Variants in NRXN3 observed in about 807,000 individuals in gnomAD.
NRXN3 encodes the protein neurexin III.
In NRXN3, 32 loss-of-function variants were observed where a neutral mutation model predicts 137.6. The ratio of observed to expected loss-of-function variants is 0.23; its 90% CI spans 0.18 to 0.31. The LOEUF is 0.31. Among genes scored for constraint, NRXN3 ranks in the 10% least tolerant of loss-of-function variants. NRXN3 has a pLI of 1.00. For synonymous variants in NRXN3, 798 were observed against 784.5 expected (o/e 1.02, Z -0.29); for missense variants, 1,574 against 2,062.5 (o/e 0.76, Z 4.59).
At chr14:79,298,000 A>G (rs948473981) in intron 15 of NRXN3, among the ~76,000 whole-genome samples, 1 of 152,096 alleles carries the variant, frequency 6.6e-6, no homozygotes, top group Non-Finnish European at 1.5e-5. Context: ...AAATTCAATT[A>G]CATTTCCCAG....
intron 2 of NRXN3, among the ~76,000 whole-genome samples, chr14:78,250,982 G>A (rs1278387791): frequency 1.3e-5 from 2 of 151,988 alleles, no homozygotes; most frequent in African/African-American, 4.8e-5. Context: ...GGGAGAATAG[G>A]AAAGAAAATG....
chr14:78,930,148 G>T (rs2099317585), intron 10 of NRXN3, among the ~76,000 whole-genome samples: 1 of 152,066 alleles, frequency 6.6e-6, no homozygotes. Flanking sequence ...TTCCCTGCTG[G>T]CCTGTAAGTA....
At chr14:79,067,682 A>G (rs1011480186) in intron 15 of NRXN3, among the ~76,000 whole-genome samples, 1 of 151,794 alleles carries the variant, frequency 6.6e-6, no homozygotes. Context: ...CCTGGTTCAA[A>G]TTTACCTTTC....
At chr14:79,279,563 C>G (rs1168395886) in intron 15 of NRXN3, 2 of 986,208 alleles carry the variant, frequency 2.0e-6, no homozygotes, top group African/African-American at 3.5e-5. Context: ...TCCTCCTCTC[C>G]TCTTTCCCTC....
At chr14:78,209,012 T>C (rs982574448) in intron 1 of NRXN3, among the ~76,000 whole-genome samples, 6 of 152,134 alleles carry the variant, frequency 3.9e-5, no homozygotes, top group African/African-American at 1.4e-4. Context: ...TCATCCCACT[T>C]GAGATAAAAT....
rs114489415 is a variant in NRXN3, at chr14:79,159,849, T to A, written c.3262+171708T>A. Among the ~76,000 whole-genome samples the A allele has an allele frequency of 4.2e-3, 633 of 152,060 alleles. 7 individuals are homozygous for A. The highest frequency in any genetic ancestry group is 0.015 in the African/African-American group (604 of 41,546). On this transcript the variant is annotated intron_variant, in intron 15 of 20. Transcript: ENST00000335750. ...ATGTTATAACAAGTTAGTACAAGTT[T>A]ATTTTGCTACAAAGCCAAATAGAAA...
chr14:78,322,683 C>T (rs192268161), intron 4 of NRXN3, among the ~76,000 whole-genome samples: 2 of 152,120 alleles, frequency 1.3e-5, no homozygotes, highest in Admixed American at 6.5e-5. Flanking sequence ...CAGCTCCCAT[C>T]CCACTTGCTG....
intron 15 of NRXN3, among the ~76,000 whole-genome samples, chr14:79,010,918 T>C (rs2099569830): frequency 6.6e-6 from 1 of 152,164 alleles, no homozygotes; most frequent in African/African-American, 2.4e-5. Flanking sequence ...TCTTTCCTTA[T>C]GCTGTGGCAC....
chr14:78,456,204 G>T (rs183430586), intron 4 of NRXN3, among the ~76,000 whole-genome samples: 1 of 152,112 alleles, frequency 6.6e-6, no homozygotes, highest in South Asian at 2.1e-4. Flanking sequence ...GTTTTTACTT[G>T]TGAAACCATA....
At position 79,861,279 on chromosome 14, in the gene NRXN3, T is replaced by G; in HGVS notation, c.4094-63T>G. On this transcript the variant is annotated intron_variant, in intron 20 of 20. Coordinates refer to ENST00000335750, the MANE Select transcript of NRXN3 (RefSeq NM_001330195.2). This position sits in a 1 kb window ranked among gnomAD's most constrained non-coding sequence, Gnocchi z 5.4. ...TCTGGGTATGGCTCAGGGGAAACCTTTGACTCTAACCTGCCCCCTACTGAT... is the reference window on the plus strand; with the variant it reads ...TCTGGGTATGGCTCAGGGGAAACCTGTGACTCTAACCTGCCCCCTACTGAT... 6.5e-7 allele frequency: 1 copy of G among 1,536,104 alleles called. No homozygotes were observed. The highest frequency in any genetic ancestry group is 8.7e-7 in the Non-Finnish European group (1 of 1,146,918).
chr14:79,779,741 G>A (rs2099108118), intron 19 of NRXN3, among the ~76,000 whole-genome samples: 1 of 152,174 alleles, frequency 6.6e-6, no homozygotes, highest in African/African-American at 2.4e-5. Context: ...CATTCTTGCA[G>A]TTTTCTGTCT....
intron 4 of NRXN3, among the ~76,000 whole-genome samples, chr14:78,531,088 T>C (rs984940218): frequency 1.3e-5 from 2 of 152,188 alleles, no homozygotes; most frequent in African/African-American, 4.8e-5. Context: ...TCATAGTCTG[T>C]CTCTTTCTTT....
chr14:78,977,758 C>T (rs1396977286), intron 14 of NRXN3, among the ~76,000 whole-genome samples: 1 of 152,148 alleles, frequency 6.6e-6, no homozygotes, highest in East Asian at 1.9e-4. Flanking sequence ...CCATCAAGAG[C>T]AGTGCTGTGC....
At chr14:79,407,589 A>G (rs1421664195) in intron 15 of NRXN3, among the ~76,000 whole-genome samples, 2 of 152,160 alleles carry the variant, frequency 1.3e-5, no homozygotes, top group Non-Finnish European at 2.9e-5. Flanking sequence ...TTAAATGGGG[A>G]TGTGCTATCA....
In NRXN3 at chr14:78,264,063, C is replaced by T. The variant is rs527244397; in HGVS notation, c.710-14582C>T. Among the ~76,000 whole-genome samples the T allele has an allele frequency of 1.1e-4, 17 of 152,194 alleles. No individual in the cohort carries two copies. In the South Asian group the frequency reaches 1.9e-3, roughly 17 times the overall value. On this transcript the variant is annotated intron_variant, in intron 2 of 20. Coordinates refer to ENST00000335750, the MANE Select transcript of NRXN3 (RefSeq NM_001330195.2). ...CCAAAACATATTCATGAAGTCAAAA[C>T]GTCAGGACCAAAATAGCCTGTGTTG...
At chr14:78,417,186 A>G (rs1394060877) in intron 4 of NRXN3, among the ~76,000 whole-genome samples, 3 of 152,190 alleles carry the variant, frequency 2.0e-5, no homozygotes, top group African/African-American at 7.2e-5. Flanking sequence ...TTAGCTTACA[A>G]GGCTCTCCAT....
intron 16 of NRXN3, among the ~76,000 whole-genome samples, chr14:79,483,141 C>G (rs748299445): frequency 5.8e-4 from 88 of 152,140 alleles, no homozygotes; most frequent in Non-Finnish European, 1.1e-3. Context: ...TAAGCTAGGT[C>G]TTTGCAGAGA....
intron 16 of NRXN3, among the ~76,000 whole-genome samples, chr14:79,531,153 T>G (rs1298084447): frequency 1.3e-5 from 2 of 152,194 alleles, no homozygotes; most frequent in Non-Finnish European, 2.9e-5. Flanking sequence ...CAATCCTCTT[T>G]GAAGTAGGAA....
At position 79,732,621 on chromosome 14, in the gene NRXN3, G is replaced by C. The variant is rs571081833; in HGVS notation, c.4014+34684G>C. Among the ~76,000 whole-genome samples, 79 of 152,292 alleles carry C rather than the reference G, an allele frequency of 5.2e-4. No individual in the cohort carries two copies. The Middle Eastern group carries it at 0.014, about 26-fold the overall frequency. On this transcript the variant is annotated intron_variant, in intron 19 of 20. Transcript: ENST00000335750. The stretch of plus-strand genomic sequence containing the variant: ...GCCTAGATTAAAAACTGGGTCTTTT[G>C]TGAGGTTTCATTCATTATGGCCCCA...
Sources: gnomAD v4.1 joint callset for allele counts (sites outside exome capture counted in the v4.1 genomes callset) on GRCh38, gnomAD v4.1.1 for gene constraint, Gnocchi (gnomAD v3.1) non-coding constraint, MANE v1.5 for transcripts, NCBI Gene and HGNC (gene_info 2026-07-23, HGNC 2026-07-21) for gene names.